The following RBFOX3 variants were observed in gnomAD, a reference collection of about 807,000 sequenced individuals.
RBFOX3 encodes the protein RNA binding fox-1 homolog 3, also known as RNA binding protein fox-1 homolog 3.
A neutral mutation model predicts 48.7 loss-of-function variants in RBFOX3; 17 were observed. The observed-to-expected ratio is 0.35, with a 90% confidence interval of 0.24 to 0.52. RBFOX3 has a LOEUF of 0.52. Among genes scored for constraint, RBFOX3 ranks in the 20% least tolerant of loss-of-function variants. RBFOX3 has a pLI of 0.94. For synonymous variants in RBFOX3, 212 were observed against 209.5 expected (o/e 1.01, Z -0.10); for missense variants, 382 against 497.5 (o/e 0.77, Z 2.21).
chr17:79,528,687 G>T (rs2087194999), intron 1 of RBFOX3, among the ~76,000 whole-genome samples: 1 of 152,024 alleles, frequency 6.6e-6, no homozygotes, highest in Non-Finnish European at 1.5e-5. Context: ...ATCGGGGAAG[G>T]CCGTGTGAAG....
chr17:79,398,064 C>A (rs186915621), intron 2 of RBFOX3, among the ~76,000 whole-genome samples: 1 of 152,168 alleles, frequency 6.6e-6, no homozygotes, highest in Non-Finnish European at 1.5e-5. Flanking sequence ...GGAGCCCGAA[C>A]GAGGCTCTGG....
chr17:79,628,337 T>C, the RBFOX3 span, among the ~76,000 whole-genome samples: 1 of 152,104 alleles, frequency 6.6e-6, no homozygotes, highest in Non-Finnish European at 1.5e-5. Flanking sequence ...ACCTGATCGT[T>C]TCCCCCTCGA....
chr17:79,578,401 G>A (rs1024833623), intron 1 of RBFOX3, among the ~76,000 whole-genome samples: 4 of 152,278 alleles, frequency 2.6e-5, no homozygotes, highest in Non-Finnish European at 5.9e-5. Context: ...ACCCCTTGGG[G>A]CAGGCTCCCT....
At chr17:79,164,078 T>C (rs1466656933) in intron 4 of RBFOX3, among the ~76,000 whole-genome samples, 2 of 152,128 alleles carry the variant, frequency 1.3e-5, no homozygotes, top group Non-Finnish European at 2.9e-5. Context: ...AATCCTTCTG[T>C]ACCAGGGTTC....
At chr17:79,426,579 G>A (rs1427811416) in intron 2 of RBFOX3, among the ~76,000 whole-genome samples, 2 of 152,138 alleles carry the variant, frequency 1.3e-5, no homozygotes, top group Admixed American at 6.5e-5. Flanking sequence ...ATGAAGCCTC[G>A]GTGTGAACCC....
At chr17:79,226,734 T>C (rs1304660818) in intron 4 of RBFOX3, among the ~76,000 whole-genome samples, 1 of 152,152 alleles carries the variant, frequency 6.6e-6, no homozygotes, top group Non-Finnish European at 1.5e-5. Context: ...GGGGTGACTA[T>C]GGGGGTTTAG....
intron 1 of RBFOX3, among the ~76,000 whole-genome samples, chr17:79,568,763 C>T (rs1053770614): frequency 2.0e-5 from 3 of 152,196 alleles, no homozygotes; most frequent in African/African-American, 7.2e-5. Flanking sequence ...AAAAATCCTT[C>T]GCTCTGAAGG....
intron 4 of RBFOX3, among the ~76,000 whole-genome samples, chr17:79,182,036 C>A (rs1009443395): frequency 7.2e-5 from 11 of 151,980 alleles, no homozygotes; most frequent in African/African-American, 2.7e-4. Context: ...TCTCCTCCAA[C>A]GTGTGCATGG....
chr17:79,158,613 C>T (rs1356425273), intron 4 of RBFOX3, among the ~76,000 whole-genome samples: 4 of 152,214 alleles, frequency 2.6e-5, no homozygotes, highest in Admixed American at 1.3e-4. Context: ...GGTCTGCTCC[C>T]GACAGCCCTT....
chr17:79,416,138 A>G (rs1228209982), intron 2 of RBFOX3, among the ~76,000 whole-genome samples: 1 of 152,142 alleles, frequency 6.6e-6, no homozygotes, highest in African/African-American at 2.4e-5. Context: ...AGGTGCCCCC[A>G]CAAGGCCAAG....
At position 79,111,655 on chromosome 17, in the gene RBFOX3, G is replaced by A. The variant is rs555941868; in HGVS notation, c.222+3839C>T. 2.0e-5 allele frequency among the ~76,000 whole-genome samples: 3 copies of A among 152,166 alleles called. No homozygotes were observed. The highest frequency in any genetic ancestry group is 4.4e-5 in the Non-Finnish European group (3 of 68,044). ...CCACCATCTTGGCCAGGCTGGTCTG[G>A]AAGTCCTGACTTCGTGATCCACCTG... On this transcript the variant is annotated intron_variant, in intron 5 of 14. Coordinates refer to ENST00000693108, the MANE Select transcript of RBFOX3 (RefSeq NM_001350451.2). The surrounding 1 kb of genome is among the most constrained non-coding windows in gnomAD (Gnocchi z 4.2).
chr17:79,292,692 A>G (rs1468578793), intron 3 of RBFOX3, among the ~76,000 whole-genome samples: 1 of 152,120 alleles, frequency 6.6e-6, no homozygotes, highest in Non-Finnish European at 1.5e-5. Flanking sequence ...TTCGCTGTGT[A>G]ATGAGGGAAC....
chr17:79,614,556 C>T (rs1438092338), upstream of RBFOX3, among the ~76,000 whole-genome samples: 2 of 152,168 alleles, frequency 1.3e-5, no homozygotes, highest in South Asian at 2.1e-4. Flanking sequence ...CGCCAAAACA[C>T]GCAACAGAGC....
chr17:79,507,073 G>A (rs1026414603), intron 1 of RBFOX3, among the ~76,000 whole-genome samples: 1 of 152,210 alleles, frequency 6.6e-6, no homozygotes, highest in African/African-American at 2.4e-5. Context: ...CTGGGGGCAG[G>A]AGAGCGGAGG....
At chr17:79,224,548 G>A (rs1159245137) in intron 4 of RBFOX3, among the ~76,000 whole-genome samples, 1 of 152,206 alleles carries the variant, frequency 6.6e-6, no homozygotes, top group African/African-American at 2.4e-5. Context: ...GAACTCCAGG[G>A]TGAAACTAAC....
chr17:79,556,040 G>A (rs2091728922), intron 1 of RBFOX3, among the ~76,000 whole-genome samples: 2 of 152,274 alleles, frequency 1.3e-5, no homozygotes, highest in Non-Finnish European at 2.9e-5. Flanking sequence ...CAAAAGAAAT[G>A]GAAGATTCTA....
rs1005714119 is a variant in RBFOX3, at chr17:79,249,024, C to T, written c.-73-13219G>A. On this transcript the variant is annotated intron_variant, in intron 3 of 14. Coordinates refer to ENST00000693108, the MANE Select transcript of RBFOX3 (RefSeq NM_001350451.2). The surrounding 1 kb of genome is among the most constrained non-coding windows in gnomAD (Gnocchi z 4.1). ...TGCCTCCATCGGCTGGGATGCGGTG[C>T]GGTCTTCCGCCAGCGGGGCCAGAAC... Among the ~76,000 whole-genome samples, 3 of 152,202 alleles carry T rather than the reference C, an allele frequency of 2.0e-5. No homozygotes were observed. The highest frequency in any genetic ancestry group is 4.8e-5 in the African/African-American group (2 of 41,452).
chr17:79,532,565 GGAGGCCCACACTCCA>G (rs1280489518), intron 1 of RBFOX3, among the ~76,000 whole-genome samples: 2 of 152,194 alleles, frequency 1.3e-5, no homozygotes, highest in Admixed American at 6.5e-5. Context: ...GATCAGCGAT[GGAGGCCCACACTCCA>G]GAGGCCCACA....
At chr17:79,197,396 T>C in intron 4 of RBFOX3, among the ~76,000 whole-genome samples, 1 of 148,278 alleles carries the variant, frequency 6.7e-6, no homozygotes, top group East Asian at 2.0e-4. Flanking sequence ...TTCTTTTTTT[T>C]TTTTTTTTTT....
Sources: gnomAD v4.1 joint callset for allele counts (sites outside exome capture counted in the v4.1 genomes callset) on GRCh38, gnomAD v4.1.1 for gene constraint, Gnocchi (gnomAD v3.1) non-coding constraint, MANE v1.5 for transcripts, NCBI Gene and HGNC (gene_info 2026-07-23, HGNC 2026-07-21) for gene names.